Variants in SCO2 observed in about 807,000 individuals in gnomAD.
SCO2 encodes cytochrome c oxidase assembly factor SCO2.
For missense variants in SCO2, 429 were observed against 348.7 expected (o/e 1.23, Z -1.83); for synonymous variants, 195 against 148.6 (o/e 1.31, Z -2.27).
upstream of SCO2, chr22:50,525,838 G>A (rs759980987): frequency 1.2e-6 from 2 of 1,608,266 alleles, no homozygotes; most frequent in African/African-American, 2.7e-5. Context: ...CGGTCGGAGA[G>A]TACGAGCGCC....
rs762908039 is a variant in SCO2, at chr22:50,523,758, C to T, written c.654G>A (p.Gln218=). ...YYNAGPKDED[Q]DYIVDHSIAI... ...CAATGGAGTGGTCCACGATGTAGTCCTGGTCCTCATCCTTGGGGCCTGCAT... is the reference window on the plus strand; with the variant it reads ...CAATGGAGTGGTCCACGATGTAGTCTTGGTCCTCATCCTTGGGGCCTGCAT... Residue 218 remains glutamine (Q), a synonymous_variant, in exon 2 of 2, where the codon CAG becomes CAA. Coordinates refer to ENST00000395693, the MANE Select transcript of SCO2 (RefSeq NM_005138.3). 6.2e-7 allele frequency: 1 copy of T among 1,614,190 alleles called. No individual in the cohort carries two copies. The highest frequency in any genetic ancestry group is 8.5e-7 in the Non-Finnish European group (1 of 1,180,024).
In SCO2 at chr22:50,523,853, T is replaced by C. The variant is rs905739470; in HGVS notation, c.559A>G (p.Arg187Gly). 2.5e-6 allele frequency: 4 copies of C among 1,613,984 alleles called. No individual in the cohort carries two copies. In the Admixed American group the frequency reaches 6.7e-5, roughly 27 times the overall value. Residue 187 changes from arginine (R) to glycine (G), a missense_variant, in exon 2 of 2, where the codon AGA becomes GGA. Transcript: ENST00000395693. ...MARYVQDFHP[R>G]LLGLTGSTKQ... Reference sequence around the variant, plus strand: ...GTGGAGCCGGTCAGACCCAACAGTCTTGGGTGGAAGTCCTGGACGTAGCGG... The same window carrying C: ...GTGGAGCCGGTCAGACCCAACAGTCCTGGGTGGAAGTCCTGGACGTAGCGG...
upstream of SCO2, chr22:50,525,640 GCT>G (rs1253183817): frequency 1.5e-6 from 2 of 1,369,782 alleles, no homozygotes; most frequent in African/African-American, 1.5e-5. Context: ...CCGCTGACAG[GCT>G]CTCAGCGCGT....
chr22:50,523,696 TC>T lies in SCO2; in HGVS notation c.715del (p.Asp239IlefsTer38), dbSNP rs2069189855. On this transcript the variant is annotated frameshift_variant, in exon 2 of 2. Coordinates refer to ENST00000395693, the MANE Select transcript of SCO2 (RefSeq NM_005138.3). LOFTEE classifies it high-confidence loss of function. ...YLLNPDGLFT[D>X]YYGRSRSAEQ... is the part of the protein sequence containing the mutation. ...AGCCGATCTGCTCCGGCCGTAGTAA[TC>T]CGTGAAGAGGCCGTCAGGGTTGAGC... The T allele has an allele frequency of 6.2e-7, 1 of 1,614,008 alleles. No individual in the cohort carries two copies. The highest frequency in any genetic ancestry group is 1.3e-5 in the African/African-American group (1 of 74,924).
chr22:50,526,243 C>G (rs1378699970), upstream of SCO2: 2 of 1,540,218 alleles, frequency 1.3e-6, no homozygotes, highest in Non-Finnish European at 1.7e-6. Flanking sequence ...CCCCGACGCT[C>G]ACCATCTGCG....
At chr22:50,524,643 A>T in intron 1 of SCO2, 2 of 703,232 alleles carry the variant, frequency 2.8e-6, no homozygotes, top group Non-Finnish European at 5.3e-6. Context: ...ACCTGGGATC[A>T]CCAGCCTGTC....
upstream of SCO2, chr22:50,526,125 G>C (rs770533125): frequency 6.7e-7 from 1 of 1,489,306 alleles, no homozygotes; most frequent in Admixed American, 2.2e-5. Flanking sequence ...GCAGCGCCCG[G>C]ACCAGCTCCA....
In SCO2 at chr22:50,523,769, C is replaced by G. The variant is rs751473601; in HGVS notation, c.643G>C (p.Asp215His). The change falls in exon 2 of 2, where the codon GAT (aspartate) becomes CAT (histidine). Residue 215 changes from aspartate to histidine, a missense_variant. Physicochemically the swap from Asp to His is moderately conservative, Grantham distance 81. Coordinates refer to ENST00000395693, the MANE Select transcript of SCO2 (RefSeq NM_005138.3). ...YRVYYNAGPK[D>H]EDQDYIVDHS... ...TCCACGATGTAGTCCTGGTCCTCATCCTTGGGGCCTGCATTGTAGTACACG... is the reference window on the plus strand; with the variant it reads ...TCCACGATGTAGTCCTGGTCCTCATGCTTGGGGCCTGCATTGTAGTACACG... The G allele has an allele frequency of 6.2e-6, 10 of 1,614,048 alleles. No individual in the cohort carries two copies. The South Asian group carries it at 7.7e-5, about 12-fold the overall frequency.
chr22:50,524,508 C>T (rs1350792968), intron 1 of SCO2, 84 bp from the exon 2 acceptor site: 2 of 1,306,882 alleles, frequency 1.5e-6, no homozygotes, highest in Non-Finnish European at 2.2e-6. Context: ...AGACCAGCCA[C>T]CCATCTGAAG....
At position 50,524,667 on chromosome 22, in the gene SCO2, C is replaced by T. The variant is rs576097032; in HGVS notation, c.-13-243G>A. 7.3e-6 allele frequency: 5 copies of T among 686,334 alleles called. No individual in the cohort carries two copies. The African/African-American group carries it at 8.8e-5, about 12-fold the overall frequency. The allele number at this position is 686,334 out of a possible 1,614,324, so 42.5% of individuals were successfully genotyped here. On this transcript the variant is annotated intron_variant, in intron 1 of 1. Transcript: ENST00000395693. Reference sequence around the variant, plus strand: ...CACCAGCCTGTCACCGCACCCTGCCCTGCACCTGCACCTCAGCAAGGTGAA... The same window carrying T: ...CACCAGCCTGTCACCGCACCCTGCCTTGCACCTGCACCTCAGCAAGGTGAA...
intron 1 of SCO2, chr22:50,524,807 C>A (rs951252773): frequency 2.0e-4 from 77 of 385,836 alleles, no homozygotes; most frequent in Non-Finnish European, 4.1e-5. Context: ...GCTTGCAATC[C>A]CCGAGAGCAA....
chr22:50,525,701 C>T (rs900419421), upstream of SCO2: 6 of 1,566,570 alleles, frequency 3.8e-6, no homozygotes, highest in East Asian at 9.5e-5. Context: ...CGAGACGGCC[C>T]CCGCCTCCGC....
rs1447130743 is a variant in SCO2, at chr22:50,524,720, T to TG, written c.-13-297dup. 57 of 600,148 alleles carry TG rather than the reference T, an allele frequency of 9.5e-5. No individual in the cohort carries two copies. In the Admixed American group the frequency reaches 1.2e-3, roughly 12 times the overall value. The allele number at this position is 600,148 out of a possible 1,614,324, so 37.2% of individuals were successfully genotyped here. Reference sequence around the variant, plus strand: ...TCTTGCTGACGGAAAGCATTCCAAGTGCATGCCTTGCCTGAACTAACCACG... The same window carrying TG: ...TCTTGCTGACGGAAAGCATTCCAAGTGGCATGCCTTGCCTGAACTAACCACG... On this transcript the variant is annotated intron_variant, in intron 1 of 1. Coordinates refer to ENST00000395693, the MANE Select transcript of SCO2 (RefSeq NM_005138.3).
chr22:50,526,442 C>T (rs1233240253), upstream of SCO2: 1 of 1,498,276 alleles, frequency 6.7e-7, no homozygotes, highest in South Asian at 1.3e-5. Flanking sequence ...GGGCCTGAGT[C>T]CCCGCGTGTC....
chr22:50,524,338 G>T lies in SCO2; in HGVS notation c.74C>A (p.Thr25Asn). 1 of 1,601,826 alleles carries T rather than the reference G, an allele frequency of 6.2e-7. No homozygotes were observed. Among genetic ancestry groups the T allele is most frequent in the Non-Finnish European group, 8.5e-7 (1 of 1,179,912 alleles). ...CAGATGCAGGGCCTGGCCTCCCAGG[G>T]TCCCAGGGAGGACCCGAGGCTTGAG... ...SQLKPRVLPG[T>N]LGGQALHLRS... The change falls in exon 2 of 2, where the codon ACC (threonine) becomes AAC (asparagine). Residue 25 changes from threonine (T) to asparagine (N), a missense_variant. Transcript: ENST00000395693.
chr22:50,524,660 C>A (rs1404788025), intron 1 of SCO2: 1 of 690,592 alleles, frequency 1.4e-6, no homozygotes, highest in Non-Finnish European at 2.7e-6. Context: ...TGTCACCGCA[C>A]CCTGCCCTGC....
At chr22:50,524,592 C>T (rs1391474839) in intron 1 of SCO2, 168 bp from the exon 2 acceptor site, 2 of 728,032 alleles carry the variant, frequency 2.7e-6, no homozygotes, top group Non-Finnish European at 5.0e-6. Context: ...CTCCACCAAA[C>T]ATCCACACCT....
In SCO2 at chr22:50,523,636, GCCATGTGCCGCCGCACACT is replaced by G. The variant is rs2069186085; in HGVS notation, c.757_775del (p.Ser253ArgfsTer18). ...TCAAGACAGGACACTGCGGAAAGCC[GCCATGTGCCGCCGCACACT>G]GTCTGAGATCTGCTCAGCCGATCTG... On this transcript the variant is annotated frameshift_variant, in exon 2 of 2. Transcript: ENST00000395693. LOFTEE classifies it high-confidence loss of function. 1.9e-6 allele frequency: 3 copies of G among 1,613,646 alleles called. No homozygotes were observed. The highest frequency in any genetic ancestry group is 2.5e-6 in the Non-Finnish European group (3 of 1,180,052).
chr22:50,525,445 C>T, intron 1 of SCO2, 27 bp downstream of exon 1: 1 of 421,382 alleles, frequency 2.4e-6, no homozygotes, highest in South Asian at 2.4e-5. Context: ...GGGCTACCTC[C>T]TCCCCTCCCA....
Sources: allele counts gnomAD v4.1 joint callset, GRCh38; gene constraint gnomAD v4.1.1; transcripts MANE v1.5; gene names NCBI Gene and HGNC (gene_info 2026-07-23, HGNC 2026-07-21).